EDRF1: variants seen among roughly 807,000 people sequenced by gnomAD.
EDRF1 encodes the protein erythroid differentiation regulatory factor 1.
EDRF1 carries 69 observed loss-of-function variants against 148.7 expected under a neutral mutation model. The observed-to-expected ratio is 0.46, with a 90% CI of 0.38 to 0.57. The LOEUF (loss-of-function observed/expected upper bound fraction) is 0.57, where lower values mean the gene tolerates loss of function less well. Ranked by LOEUF, EDRF1 falls within the 20% of genes least tolerant of loss-of-function variation. The pLI, the probability that EDRF1 is intolerant of heterozygous loss-of-function variation, is 0.00. For synonymous variants in EDRF1, 515 were observed against 532.8 expected (o/e 0.97, Z 0.46); for missense variants, 1,118 against 1,478.7 (o/e 0.76, Z 4.00).
rs772912747 is a variant in EDRF1 at position 125,719,736 on chromosome 10, C to T, written c.-72C>T. On this transcript the variant is annotated 5_prime_UTR_variant, in exon 1 of 25. Coordinates refer to ENST00000356792, the MANE Select transcript of EDRF1 (RefSeq NM_001202438.2). ...TCCGCGGAGCGTCTCTGGCGCTTAC[C>T]CTGCTTTGGGCCTGCGTTGCTGCTG... 37 of 1,259,608 alleles carry T rather than the reference C, an allele frequency of 2.9e-5. No individual in the cohort carries two copies. The highest frequency in any genetic ancestry group is 4.0e-5 in the Non-Finnish European group (36 of 901,490). The allele number at this position is 1,259,608 out of a possible 1,614,324, so 78.0% of individuals were successfully genotyped here.
chr10:125,725,382 A>T lies in EDRF1; in HGVS notation c.575A>T (p.Lys192Met). ...QRLIDQKWQR[K>M]KKSKEHWYQK... ...CTCATTGATCAGAAGTGGCAGAGGA[A>T]GAAAAAGAGCAAAGAGCACTGGTAT... The change falls in exon 5 of 25, where the codon AAG becomes ATG. Residue 192 changes from lysine to methionine, a missense_variant. Coordinates refer to ENST00000356792, the MANE Select transcript of EDRF1 (RefSeq NM_001202438.2). The T allele has an allele frequency of 6.2e-7, 1 of 1,614,068 alleles. No individual in the cohort carries two copies. The highest frequency in any genetic ancestry group is 8.5e-7 in the Non-Finnish European group (1 of 1,179,960).
intron 3 of EDRF1, among the ~76,000 whole-genome samples, chr10:125,723,423 G>A (rs1239279324): frequency 6.6e-6 from 1 of 152,104 alleles, no homozygotes; most frequent in East Asian, 1.9e-4. Flanking sequence ...TAGTGTTTGG[G>A]ATTATTCTGT....
chr10:125,734,968 T>A (rs1848656217), intron 12 of EDRF1, among the ~76,000 whole-genome samples: 1 of 152,216 alleles, frequency 6.6e-6, no homozygotes, highest in African/African-American at 2.4e-5. Context: ...CAGAAATGTT[T>A]TTGAAGAAAA....
At chr10:125,719,960 A>AGGACCCGCTCCACCGGG in intron 1 of EDRF1, 45 bp downstream of exon 1, 1 of 1,550,226 alleles carries the variant, frequency 6.5e-7, no homozygotes, top group Non-Finnish European at 8.9e-7. Flanking sequence ...GTGGGAGCGG[A>AGGACCCGCTCCACCGGG]GGACCCGCTC....
chr10:125,761,286 T>C, intron 24 of EDRF1: 1 of 343,278 alleles, frequency 2.9e-6, no homozygotes, highest in Non-Finnish European at 5.8e-6. Context: ...TGCTAGAAAT[T>C]CTAGCAGTAG....
intron 9 of EDRF1, among the ~76,000 whole-genome samples, chr10:125,732,944 G>A (rs1848544227): frequency 2.0e-5 from 3 of 152,060 alleles, no homozygotes; most frequent in African/African-American, 4.8e-5. Context: ...GGTGTCTACT[G>A]GAAAATTTCC....
At chr10:125,747,737 T>C (rs368303002) in intron 20 of EDRF1, 43 bp downstream of exon 20, 4 of 1,612,456 alleles carry the variant, frequency 2.5e-6, no homozygotes, top group African/African-American at 1.3e-5. Context: ...CTCAATCTAA[T>C]TCCCTTGTTT....
chr10:125,723,871 C>T lies in EDRF1; in HGVS notation c.445C>T (p.Arg149Cys), dbSNP rs755239860. Residue 149 changes from arginine (R) to cysteine (C), a missense_variant, in exon 4 of 25, where the codon CGC (arginine) becomes TGC (cysteine). By Grantham distance (180) the Arg-to-Cys change is radical. Transcript: ENST00000356792. ...SKSHVSMAVH[R>C]IGRTLLLDEL... Reference sequence around the variant, plus strand: ...GTCGCACGTGAGCATGGCAGTACACCGCATAGGAAGGACTCTCTTACTAGA... The same window carrying T: ...GTCGCACGTGAGCATGGCAGTACACTGCATAGGAAGGACTCTCTTACTAGA... 3.1e-6 allele frequency: 5 copies of T among 1,613,256 alleles called. No individual in the cohort carries two copies. The highest frequency in any genetic ancestry group is 1.1e-5 in the South Asian group (1 of 91,048).
rs752713079 is a variant in EDRF1, at chr10:125,733,513, A to G, written c.1238A>G (p.Asn413Ser). 1.2e-6 allele frequency: 2 copies of G among 1,600,462 alleles called. No homozygotes were observed. The highest frequency in any genetic ancestry group is 1.7e-6 in the Non-Finnish European group (2 of 1,167,772). The change falls in exon 10 of 25, where the codon AAT (asparagine) becomes AGT (serine). Residue 413 changes from asparagine to serine, a missense_variant. Asn to Ser is a conservative substitution (Grantham distance 46). Around this residue, in one of 3 missense-constraint regions of EDRF1, gnomAD observed 954 missense variants for 1,241.4 expected, o/e 0.77. Transcript: ENST00000356792. ...AATATTTTATCATTTTTGAAATCTAATTGTACCAAAGAAGGACATACCTAT... is the reference window on the plus strand; with the variant it reads ...AATATTTTATCATTTTTGAAATCTAGTTGTACCAAAGAAGGACATACCTAT... The part of the protein sequence containing the change: ...AQNILSFLKS[N>S]CTKEGHTYWL...
Position 125,752,910 on chromosome 10 carries a change from G to C in EDRF1, c.3389G>C (p.Gly1130Ala). The change falls in exon 23 of 25, where the codon GGC (glycine) becomes GCC (alanine). Residue 1130 changes from glycine (G) to alanine (A), a missense_variant. This residue lies in a region of EDRF1 where 954 missense variants were observed against 1,241.4 expected (regional missense o/e 0.77). Coordinates refer to ENST00000356792, the MANE Select transcript of EDRF1 (RefSeq NM_001202438.2). ...LIQKELIEEFGQPKSGDAAAA... is the reference protein window; with the variant it reads ...LIQKELIEEFAQPKSGDAAAA... ...CAGAAGGAGCTTATAGAAGAATTTG[G>C]CCAGGTACATGGAGAAAATGACTGT... 17 of 1,611,672 alleles carry C rather than the reference G, an allele frequency of 1.1e-5. No homozygotes were observed. Among genetic ancestry groups the C allele is most frequent in the Non-Finnish European group, 1.4e-5 (17 of 1,178,080 alleles).
chr10:125,756,734 G>T (rs1056430539), intron 24 of EDRF1: 1 of 363,422 alleles, frequency 2.8e-6, no homozygotes, highest in Non-Finnish European at 5.2e-6. Context: ...GTCTTTTTTT[G>T]TATGTCTTTT....
intron 18 of EDRF1, chr10:125,745,431 C>A: frequency 2.2e-6 from 1 of 463,548 alleles, no homozygotes. Context: ...CCCTTACAAT[C>A]TCATTTAATC....
At position 125,735,656 on chromosome 10, in the gene EDRF1, G is replaced by A. The variant is rs375248496; in HGVS notation, c.1510G>A (p.Ala504Thr). ...KSRHPQIIAS[A>T]NYMLSELFQL... ...TCTTTTTCATAAGATTATTGCTTCCGCCAATTACATGCTTTCAGAACTTTT... is the reference window on the plus strand; with the variant it reads ...TCTTTTTCATAAGATTATTGCTTCCACCAATTACATGCTTTCAGAACTTTT... The change falls in exon 13 of 25, where the codon GCC (alanine) becomes ACC (threonine). Residue 504 changes from alanine to threonine, a missense_variant. Physicochemically the swap from Ala to Thr is moderately conservative, Grantham distance 58. This residue lies in a region of EDRF1 where 954 missense variants were observed against 1,241.4 expected (regional missense o/e 0.77). Coordinates refer to ENST00000356792, the MANE Select transcript of EDRF1 (RefSeq NM_001202438.2). 7.4e-6 allele frequency: 12 copies of A among 1,612,468 alleles called. No individual in the cohort carries two copies. Among genetic ancestry groups the A allele is most frequent in the Non-Finnish European group, 9.3e-6 (11 of 1,178,930 alleles).
At chr10:125,724,590 C>T (rs1435184009) in intron 4 of EDRF1, among the ~76,000 whole-genome samples, 2 of 152,156 alleles carry the variant, frequency 1.3e-5, no homozygotes, top group Non-Finnish European at 2.9e-5. Context: ...TAATGACGCG[C>T]TTCTCAGAAT....
rs1283361056 is a variant in EDRF1, at chr10:125,719,747, C to A, written c.-61C>A. On this transcript the variant is annotated 5_prime_UTR_variant, in exon 1 of 25. Coordinates refer to ENST00000356792, the MANE Select transcript of EDRF1 (RefSeq NM_001202438.2). The stretch of plus-strand genomic sequence containing the variant: ...TCTCTGGCGCTTACCCTGCTTTGGG[C>A]CTGCGTTGCTGCTGCTGCTCCTCCG... 8.6e-6 allele frequency: 12 copies of A among 1,391,418 alleles called. No individual in the cohort carries two copies. The Admixed American group carries it at 1.4e-4, about 16-fold the overall frequency. The allele number at this position is 1,391,418 out of a possible 1,614,324, so 86.2% of individuals were successfully genotyped here. A position where few individuals can be genotyped will look rare whatever the true frequency, so the allele number is the denominator to read the frequency against.
At chr10:125,742,213 T>C in intron 17 of EDRF1, 3 of 1,289,054 alleles carry the variant, frequency 2.3e-6, no homozygotes, top group South Asian at 2.5e-5. Flanking sequence ...CTGTTTGGAA[T>C]TGTCAGGCTT....
At chr10:125,749,864 G>A (rs955717433) in intron 22 of EDRF1, 19 of 376,822 alleles carry the variant, frequency 5.0e-5, no homozygotes, top group Non-Finnish European at 7.1e-5. Context: ...CAATCGGCCA[G>A]GCACAGTGGC....
intron 17 of EDRF1, chr10:125,742,852 C>T: frequency 1.1e-6 from 1 of 889,566 alleles, no homozygotes; most frequent in Non-Finnish European, 1.3e-6. Context: ...TATTTTTATC[C>T]AACATTAATA....
At chr10:125,731,278 T>G (rs1009078006) in intron 9 of EDRF1, among the ~76,000 whole-genome samples, 4 of 152,202 alleles carry the variant, frequency 2.6e-5, no homozygotes, top group African/African-American at 9.7e-5. Context: ...AGGAGACAGA[T>G]AAGAATTAGA....
Sources: allele counts gnomAD v4.1 joint callset (sites outside exome capture counted in the v4.1 genomes callset), GRCh38; gene constraint gnomAD v4.1.1; regional missense constraint gnomAD v4.1.1; transcripts MANE v1.5; gene names NCBI Gene and HGNC (gene_info 2026-07-23, HGNC 2026-07-21).